Variants in CERS6 observed in about 807,000 individuals in gnomAD.
The protein encoded by CERS6 is ceramide synthase 6.
CERS6 carries 26 observed loss-of-function variants against 56.8 expected under a neutral mutation model. That is an observed-to-expected ratio of 0.46 (90% confidence interval 0.34 to 0.63). The LOEUF (loss-of-function observed/expected upper bound fraction) is 0.63. CERS6 is among the 30% of genes least tolerant of loss of function. The probability of loss-of-function intolerance (pLI) is 0.01; values close to 1 mark genes in which losing one functional copy is unlikely to be tolerated. For missense variants in CERS6, 415 were observed against 467.5 expected (o/e 0.89, Z 1.04); for synonymous variants, 164 against 173.3 (o/e 0.95, Z 0.42).
intron 3 of CERS6, among the ~76,000 whole-genome samples, chr2:168,565,302 C>G (rs186750794): frequency 5.3e-4 from 81 of 152,278 alleles, no homozygotes; most frequent in African/African-American, 1.9e-3. Context: ...TCAAAATACA[C>G]GTGCCCGAGC....
rs1260414039 is a variant in CERS6 at position 168,456,476 on chromosome 2, A to G, written c.28A>G (p.Asn10Asp). 1 of 1,613,880 alleles carries G rather than the reference A, an allele frequency of 6.2e-7. No homozygotes were observed. Among genetic ancestry groups the G allele is most frequent in the Admixed American group, 1.7e-5 (1 of 60,026 alleles). MAGILAWFW[N>D]ERFWLPHNVT... ...GGCAGGGATCTTAGCCTGGTTCTGGAACGAGAGGTTTTGGCTCCCGCACAA... is the reference window on the plus strand; with the variant it reads ...GGCAGGGATCTTAGCCTGGTTCTGGGACGAGAGGTTTTGGCTCCCGCACAA... Residue 10 changes from asparagine to aspartate, a missense_variant, in exon 1 of 10, where the codon AAC (asparagine) becomes GAC (aspartate). Coordinates refer to ENST00000305747, the MANE Select transcript of CERS6 (RefSeq NM_203463.3). The surrounding 1 kb of genome is among the most constrained non-coding windows in gnomAD (Gnocchi z 4.1).
Position 168,456,713 on chromosome 2 carries a change from A to C in CERS6, c.170+95A>C. The C allele has an allele frequency of 3.2e-6, 4 of 1,233,406 alleles. No homozygotes were observed. Among genetic ancestry groups the C allele is most frequent in the Non-Finnish European group, 4.6e-6 (4 of 877,402 alleles). The allele number at this position is 1,233,406 out of a possible 1,614,324, so 76.4% of individuals were successfully genotyped here. A position where few individuals can be genotyped will look rare whatever the true frequency, so the allele number is the denominator to read the frequency against. ...TCTGGCGCACGCCCCCGCGCCCCCA[A>C]CGCTCGCGTTCACGCCTCCCAACCT... On this transcript the variant is annotated intron_variant, in intron 1 of 9. Coordinates refer to ENST00000305747, the MANE Select transcript of CERS6 (RefSeq NM_203463.3). The surrounding 1 kb of genome is among the most constrained non-coding windows in gnomAD (Gnocchi z 4.1).
At chr2:168,636,322 GTT>G (rs1368881607) in intron 4 of CERS6, among the ~76,000 whole-genome samples, 1 of 152,096 alleles carries the variant, frequency 6.6e-6, no homozygotes, top group East Asian at 1.9e-4. Flanking sequence ...ACTTAGATAA[GTT>G]TTAAAAAGCT....
At chr2:168,636,649 A>G (rs1393189441) in intron 4 of CERS6, among the ~76,000 whole-genome samples, 3 of 152,202 alleles carry the variant, frequency 2.0e-5, no homozygotes, top group Non-Finnish European at 4.4e-5. Context: ...ACAAATAGGT[A>G]AACATCTGCA....
intron 1 of CERS6, among the ~76,000 whole-genome samples, chr2:168,504,261 C>G (rs906626368): frequency 6.6e-6 from 1 of 151,992 alleles, no homozygotes; most frequent in African/African-American, 2.4e-5. Context: ...TTAGCTGGGT[C>G]TTTAGTGTGC....
intron 4 of CERS6, among the ~76,000 whole-genome samples, chr2:168,661,122 G>GT (rs1685618806): frequency 6.6e-6 from 1 of 152,128 alleles, no homozygotes; most frequent in African/African-American, 2.4e-5. Flanking sequence ...CAGTTTAGCA[G>GT]TATCTGTGTC....
intron 4 of CERS6, among the ~76,000 whole-genome samples, chr2:168,670,072 G>T (rs1685869957): frequency 6.6e-6 from 1 of 152,138 alleles, no homozygotes. Context: ...GTGATCTAAA[G>T]AATAAAATCA....
intron 1 of CERS6, among the ~76,000 whole-genome samples, chr2:168,511,149 T>A (rs1694780967): frequency 1.3e-5 from 2 of 152,218 alleles, no homozygotes; most frequent in Admixed American, 1.3e-4. Context: ...TACACAGCCA[T>A]CTTCTTAAGT....
chr2:168,735,606 C>T (rs1683689360), intron 8 of CERS6, among the ~76,000 whole-genome samples: 1 of 151,986 alleles, frequency 6.6e-6, no homozygotes, highest in Admixed American at 6.6e-5. Flanking sequence ...GGTGCAGTGG[C>T]TCATGCCTAC....
intron 8 of CERS6, among the ~76,000 whole-genome samples, chr2:168,761,303 C>G (rs1417683550): frequency 2.0e-5 from 3 of 152,088 alleles, no homozygotes; most frequent in Non-Finnish European, 4.4e-5. Context: ...GCCTATAAAT[C>G]CTGATGCAGT....
intron 8 of CERS6, among the ~76,000 whole-genome samples, chr2:168,759,825 T>C (rs1334212826): frequency 6.6e-6 from 1 of 151,974 alleles, no homozygotes; most frequent in African/African-American, 2.4e-5. Flanking sequence ...CCATACCCCT[T>C]TGCATCTAAG....
intron 3 of CERS6, among the ~76,000 whole-genome samples, chr2:168,604,829 A>G (rs765215289): frequency 2.0e-5 from 3 of 152,210 alleles, no homozygotes; most frequent in African/African-American, 2.4e-5. Context: ...CTGTAGAACC[A>G]TGAGCCAATT....
At chr2:168,715,723 A>G (rs1199679495) in intron 7 of CERS6, among the ~76,000 whole-genome samples, 1 of 152,158 alleles carries the variant, frequency 6.6e-6, no homozygotes, top group East Asian at 1.9e-4. Context: ...GTTCTAGCAT[A>G]TTTCAAAAGG....
chr2:168,670,476 T>C (rs983157067), intron 4 of CERS6, among the ~76,000 whole-genome samples: 2 of 152,256 alleles, frequency 1.3e-5, no homozygotes, highest in African/African-American at 4.8e-5. Flanking sequence ...ACACACAAAC[T>C]TAGAAATGGA....
At chr2:168,757,715 C>G (rs1274412567) in intron 8 of CERS6, among the ~76,000 whole-genome samples, 1 of 152,060 alleles carries the variant, frequency 6.6e-6, no homozygotes, top group Non-Finnish European at 1.5e-5. Flanking sequence ...GACCCTGTCT[C>G]TACAAAAAAA....
At chr2:168,749,892 A>T (rs1400960213) in intron 8 of CERS6, among the ~76,000 whole-genome samples, 1 of 152,226 alleles carries the variant, frequency 6.6e-6, no homozygotes, top group Non-Finnish European at 1.5e-5. Flanking sequence ...AGGGTTACCC[A>T]CTAGGCAGAG....
At chr2:168,507,471 G>T (rs1028534582) in intron 1 of CERS6, among the ~76,000 whole-genome samples, 7 of 152,106 alleles carry the variant, frequency 4.6e-5, no homozygotes, top group African/African-American at 1.4e-4. Flanking sequence ...CTCAGTTAAT[G>T]CATTCTTGGT....
chr2:168,561,375 C>A, intron 3 of CERS6, 53 bp downstream of exon 3: 1 of 1,604,092 alleles, frequency 6.2e-7, no homozygotes, highest in Non-Finnish European at 8.5e-7. Context: ...TCATGCCAAC[C>A]CTGAGGTGAA....
chr2:168,608,201 T>C (rs1684099895), intron 3 of CERS6, among the ~76,000 whole-genome samples: 2 of 152,262 alleles, frequency 1.3e-5, no homozygotes, highest in Admixed American at 1.3e-4. Flanking sequence ...GAGTTTCATA[T>C]AGCTCAGAGA....
Sources: gnomAD v4.1 joint callset for allele counts (sites outside exome capture counted in the v4.1 genomes callset) on GRCh38, gnomAD v4.1.1 for gene constraint, Gnocchi (gnomAD v3.1) non-coding constraint, MANE v1.5 for transcripts, NCBI Gene and HGNC (gene_info 2026-07-23, HGNC 2026-07-21) for gene names.